Variants in TRANK1 observed in about 807,000 individuals in gnomAD.
The protein encoded by TRANK1 is tetratricopeptide repeat and ankyrin repeat containing 1.
A neutral mutation model predicts 266.0 loss-of-function variants in TRANK1; 198 were observed. That is an observed-to-expected ratio of 0.74 (90% CI 0.66 to 0.84). TRANK1 has a LOEUF of 0.84. Ranked by LOEUF, TRANK1 falls within the 40% of genes least tolerant of loss-of-function variation. The pLI is 0.00. For missense variants in TRANK1, 3,326 were observed against 3,634.6 expected (o/e 0.92, Z 2.18); for synonymous variants, 1,396 against 1,384.1 (o/e 1.01, Z -0.19).
Position 36,857,534 on chromosome 3 carries a change from C to T in TRANK1, c.2188G>A (p.Asp730Asn). ...ACTGTGATGTCCTGCATAAGGCAGT[C>T]TCTCAGCGAGCAGGGCCTGAGAGCT... ...PGALRPCSLRDCLMQDITVLI... is the reference protein window; with the variant it reads ...PGALRPCSLRNCLMQDITVLI... The change falls in exon 13 of 24, where the codon GAC becomes AAC. Residue 730 changes from aspartate to asparagine, a missense_variant. Asp to Asn is a conservative substitution (Grantham distance 23, BLOSUM62 1). Transcript: ENST00000645898. The surrounding 1 kb of genome is among the most constrained non-coding windows in gnomAD (Gnocchi z 4.3). 1 of 1,614,042 alleles carries T rather than the reference C, an allele frequency of 6.2e-7. No homozygotes were observed. Among genetic ancestry groups the T allele is most frequent in the Non-Finnish European group, 8.5e-7 (1 of 1,179,888 alleles).
chr3:36,884,401 C>T (rs866905105), intron 8 of TRANK1, among the ~76,000 whole-genome samples: 1 of 152,140 alleles, frequency 6.6e-6, no homozygotes, highest in Admixed American at 6.6e-5. Context: ...CAATATGAAC[C>T]TGGAACACCT....
In TRANK1 at chr3:36,831,671, G is replaced by A. The variant is rs368303549; in HGVS notation, c.7912C>T (p.Arg2638Trp). The change falls in exon 22 of 24, where the codon CGG (arginine) becomes TGG (tryptophan). Residue 2638 changes from arginine to tryptophan, a missense_variant. Arg to Trp is a moderately radical substitution (Grantham distance 101). Transcript: ENST00000645898. This position sits in a 1 kb window ranked among gnomAD's most constrained non-coding sequence, Gnocchi z 5.0. Reference protein sequence around the residue: ...AEALQDLLFERDEEYLMDCDW... With the variant: ...AEALQDLLFEWDEEYLMDCDW... Reference sequence around the variant, plus strand: ...CAGTCCATTAGGTACTCTTCATCCCGCTCAAAGAGCAGGTCCTGCAGTGCC... The same window carrying A: ...CAGTCCATTAGGTACTCTTCATCCCACTCAAAGAGCAGGTCCTGCAGTGCC... 1.5e-5 allele frequency: 25 copies of A among 1,613,772 alleles called. No individual in the cohort carries two copies. Among genetic ancestry groups the A allele is most frequent in the South Asian group, 2.2e-5 (2 of 91,072 alleles).
At chr3:36,860,378 G>A (rs2079125311) in intron 11 of TRANK1, among the ~76,000 whole-genome samples, 2 of 152,166 alleles carry the variant, frequency 1.3e-5, no homozygotes, top group African/African-American at 4.8e-5. Context: ...TCAGCAAGAT[G>A]TCTGCACACT....
At chr3:36,844,789 C>T (rs528146950) in intron 17 of TRANK1, among the ~76,000 whole-genome samples, 158 of 152,158 alleles carry the variant, frequency 1.0e-3, no homozygotes, top group Non-Finnish European at 1.9e-3. Context: ...AGTCGCCAAC[C>T]GAGCCATCAG....
chr3:36,905,549 G>A (rs181251561), intron 2 of TRANK1, among the ~76,000 whole-genome samples: 40 of 152,234 alleles, frequency 2.6e-4, no homozygotes, highest in Admixed American at 1.5e-3. Flanking sequence ...GTAGAACTTT[G>A]AAAAATAAAT....
chr3:36,855,656 C>T lies in TRANK1; in HGVS notation c.4066G>A (p.Gly1356Ser). 6.2e-7 allele frequency: 1 copy of T among 1,613,850 alleles called. No individual in the cohort carries two copies. The highest frequency in any genetic ancestry group is 8.5e-7 in the Non-Finnish European group (1 of 1,179,850). ...IWKEIKSFLK[G>S]SFEALSCPHG... Reference sequence around the variant, plus strand: ...GGACAGCTGAGGGCCTCAAAAGAACCCTTTAGAAAAGATTTTATTTCTTTC... The same window carrying T: ...GGACAGCTGAGGGCCTCAAAAGAACTCTTTAGAAAAGATTTTATTTCTTTC... The change falls in exon 13 of 24, where the codon GGT becomes AGT. Residue 1356 changes from glycine (G) to serine (S), a missense_variant. Coordinates refer to ENST00000645898, the MANE Select transcript of TRANK1 (RefSeq NM_001329998.2).
chr3:36,874,760 C>T (rs2079360795), intron 8 of TRANK1, among the ~76,000 whole-genome samples: 1 of 152,116 alleles, frequency 6.6e-6, no homozygotes, highest in South Asian at 2.1e-4. Context: ...TTACCACCCT[C>T]CTAGCCCCAA....
At chr3:36,919,949 C>T (rs1473078821) in intron 1 of TRANK1, among the ~76,000 whole-genome samples, 1 of 152,066 alleles carries the variant, frequency 6.6e-6, no homozygotes, top group East Asian at 1.9e-4. Context: ...TAATAATTAA[C>T]CACTAGATGA....
intron 1 of TRANK1, among the ~76,000 whole-genome samples, chr3:36,915,100 G>T (rs946845694): frequency 1.3e-5 from 2 of 151,880 alleles, no homozygotes; most frequent in African/African-American, 4.8e-5. Context: ...TACAGGCGCC[G>T]GCCACCACGC....
intron 1 of TRANK1, among the ~76,000 whole-genome samples, chr3:36,913,980 A>G (rs1431610200): frequency 1.3e-5 from 2 of 152,164 alleles, no homozygotes; most frequent in African/African-American, 2.4e-5. Flanking sequence ...CACACCAAAG[A>G]TGGTATTTCT....
At chr3:36,830,224 T>C (rs575853856) in intron 22 of TRANK1, among the ~76,000 whole-genome samples, 25 of 151,090 alleles carry the variant, frequency 1.7e-4, no homozygotes, top group Non-Finnish European at 3.1e-4. Flanking sequence ...CTGAGGCAGG[T>C]GAATCATTTG....
chr3:36,903,803 T>C (rs1490854235), intron 2 of TRANK1, among the ~76,000 whole-genome samples: 1 of 152,230 alleles, frequency 6.6e-6, no homozygotes, highest in African/African-American at 2.4e-5. Context: ...GGGATGGCTC[T>C]GGCCTTGGTC....
chr3:36,846,353 C>A lies in TRANK1; in HGVS notation c.5086G>T (p.Val1696Phe). The change falls in exon 17 of 24, where the codon GTC becomes TTC. Residue 1696 changes from valine (V) to phenylalanine (F), a missense_variant. Coordinates refer to ENST00000645898, the MANE Select transcript of TRANK1 (RefSeq NM_001329998.2). ...TTTTCATCAAAGATCCAGAGGTTGA[C>A]CCGAGCCCGTGTGATGGCGGTGTAC... is the stretch of plus-strand genomic sequence containing the variant. ...QLYTAITRAR[V>F]NLWIFDENRE... 1 of 1,613,796 alleles carries A rather than the reference C, an allele frequency of 6.2e-7. No homozygotes were observed. The highest frequency in any genetic ancestry group is 1.1e-5 in the South Asian group (1 of 91,048).
rs536387017 is a variant in TRANK1, at chr3:36,866,532, GTC to G, written c.1079-2054_1079-2053del. On this transcript the variant is annotated intron_variant, in intron 9 of 23. Transcript: ENST00000645898. The stretch of plus-strand genomic sequence containing the variant: ...CTCAGGCAAAGTCCCACAGAGGGTG[GTC>G]TCAGCCTGATCCCACAGGAAGGCTC... Among the ~76,000 whole-genome samples, 34 of 152,190 alleles carry G rather than the reference GTC, an allele frequency of 2.2e-4. No homozygotes were observed. The Middle Eastern group carries it at 0.01, about 46-fold the overall frequency.
chr3:36,844,857 C>T (rs1467231673), intron 17 of TRANK1, among the ~76,000 whole-genome samples: 2 of 152,070 alleles, frequency 1.3e-5, no homozygotes, highest in Non-Finnish European at 2.9e-5. Context: ...AACCTCTCTC[C>T]AGCAGCCAAA....
chr3:36,873,294 C>T (rs1292387625), intron 9 of TRANK1, among the ~76,000 whole-genome samples: 2 of 152,194 alleles, frequency 1.3e-5, no homozygotes, highest in African/African-American at 2.4e-5. Context: ...GAAAAACTTA[C>T]TTGACCAAGT....
intron 1 of TRANK1, among the ~76,000 whole-genome samples, chr3:36,944,217 G>A (rs568938285): frequency 6.6e-6 from 1 of 152,320 alleles, no homozygotes; most frequent in East Asian, 1.9e-4. Flanking sequence ...GGTGAGCCCA[G>A]GCTGATGGAC....
intron 3 of TRANK1, among the ~76,000 whole-genome samples, chr3:36,900,940 C>A (rs2079871317): frequency 6.7e-6 from 1 of 148,840 alleles, no homozygotes; most frequent in Non-Finnish European, 1.5e-5. Context: ...CACGTAACAC[C>A]AAATTTCTGG....
chr3:36,932,303 G>A (rs2080371056), intron 1 of TRANK1, among the ~76,000 whole-genome samples: 1 of 152,188 alleles, frequency 6.6e-6, no homozygotes, highest in Non-Finnish European at 1.5e-5. Flanking sequence ...GAGTGCAGTG[G>A]CTCACGCCTG....
Sources: gnomAD v4.1 joint callset for allele counts (sites outside exome capture counted in the v4.1 genomes callset) on GRCh38, gnomAD v4.1.1 for gene constraint, Gnocchi (gnomAD v3.1) non-coding constraint, MANE v1.5 for transcripts, NCBI Gene and HGNC (gene_info 2026-07-23, HGNC 2026-07-21) for gene names.